Variants in HERC4 observed in about 807,000 individuals in gnomAD.
The protein encoded by HERC4 is probable E3 ubiquitin-protein ligase HERC4.
A neutral mutation model predicts 124.3 loss-of-function variants in HERC4; 28 were observed. The observed-to-expected ratio is 0.23, with a 90% confidence interval of 0.17 to 0.31. The LOEUF (loss-of-function observed/expected upper bound fraction) is 0.31. HERC4 is among the 10% of genes least tolerant of loss of function. The pLI, the probability that HERC4 is intolerant of heterozygous loss-of-function variation, is 1.00. For synonymous variants in HERC4, 407 were observed against 421.5 expected, an observed-to-expected ratio of 0.97 and a Z score of 0.42; for missense variants, 713 against 1,229.3, an observed-to-expected ratio of 0.58 and a Z score of 6.28.
At chr10:67,986,861 C>G (rs1219534595) in intron 15 of HERC4, among the ~76,000 whole-genome samples, 3 of 152,018 alleles carry the variant, frequency 2.0e-5, no homozygotes, top group African/African-American at 7.2e-5. Context: ...TATATGTGAT[C>G]TAGAATATGA....
chr10:68,020,658 A>G (rs1230240150), intron 8 of HERC4, among the ~76,000 whole-genome samples: 1 of 151,374 alleles, frequency 6.6e-6, no homozygotes, highest in Non-Finnish European at 1.5e-5. Context: ...AGTCCCAGCT[A>G]CTTGGGAGGC....
intron 8 of HERC4, among the ~76,000 whole-genome samples, chr10:68,015,939 T>C (rs531878491): frequency 8.5e-5 from 13 of 152,074 alleles, no homozygotes; most frequent in Admixed American, 8.5e-4. Flanking sequence ...CCTGTCTCTA[T>C]TAAAAATACA....
At chr10:68,025,490 A>G in intron 8 of HERC4, 56 bp downstream of exon 8, 1 of 1,517,280 alleles carries the variant, frequency 6.6e-7, no homozygotes, top group Non-Finnish European at 8.9e-7. Context: ...TTCAATAAGC[A>G]ATCCCTAAAC....
At chr10:67,933,272 G>T (rs1166339139) in intron 22 of HERC4, among the ~76,000 whole-genome samples, 2 of 152,020 alleles carry the variant, frequency 1.3e-5, no homozygotes, top group Non-Finnish European at 2.9e-5. Flanking sequence ...CTAAGAGAGG[G>T]TACTAAGCAT....
intron 3 of HERC4, chr10:68,068,963 G>T: frequency 1.4e-6 from 1 of 714,252 alleles, no homozygotes; most frequent in Non-Finnish European, 1.7e-6. Context: ...TTGAAAGAAT[G>T]TTGTAAAACA....
At chr10:68,027,041 ATAAC>A (rs2038940662) in intron 7 of HERC4, among the ~76,000 whole-genome samples, 1 of 152,212 alleles carries the variant, frequency 6.6e-6, no homozygotes, top group Non-Finnish European at 1.5e-5. Context: ...AACTAATTAA[ATAAC>A]TAAATTATAA....
At chr10:68,073,503 T>C (rs2041667885) in intron 2 of HERC4, among the ~76,000 whole-genome samples, 154 bp downstream of exon 2, 1 of 152,198 alleles carries the variant, frequency 6.6e-6, no homozygotes, top group South Asian at 2.1e-4. Flanking sequence ...TTAATCACAA[T>C]TTTTTCTACT....
intron 7 of HERC4, among the ~76,000 whole-genome samples, chr10:68,028,591 A>G (rs1329083091): frequency 6.6e-6 from 1 of 152,208 alleles, no homozygotes; most frequent in Non-Finnish European, 1.5e-5. Flanking sequence ...AGGGATTATC[A>G]TTGTGTCCAG....
At chr10:67,981,877 G>A (rs1252266451) in intron 15 of HERC4, among the ~76,000 whole-genome samples, 1 of 152,056 alleles carries the variant, frequency 6.6e-6, no homozygotes, top group Non-Finnish European at 1.5e-5. Context: ...GGGGGTGGAG[G>A]TTGCAGTGAG....
In HERC4 at chr10:67,990,446, C is replaced by T. The variant is rs752555042; in HGVS notation, c.1444-46G>A. The T allele has an allele frequency of 9.3e-6, 7 of 754,524 alleles. No homozygotes were observed. The South Asian group carries it at 1.8e-4, about 19-fold the overall frequency. 46.7% of individuals were successfully genotyped at this position (754,524 alleles called of 1,614,324 possible). A position where few individuals can be genotyped will look rare whatever the true frequency, so the allele number is the denominator to read the frequency against. Reference sequence around the variant, plus strand: ...AAACCTACTTCATTTAAAATGAATACACTTTCAAAGAAAAAAAAAAAAAAG... The same window carrying T: ...AAACCTACTTCATTTAAAATGAATATACTTTCAAAGAAAAAAAAAAAAAAG... On this transcript the variant is annotated intron_variant, in intron 13 of 24. Transcript: ENST00000373700.
chr10:68,030,996 C>A (rs1254426355), intron 7 of HERC4, among the ~76,000 whole-genome samples: 4 of 151,962 alleles, frequency 2.6e-5, no homozygotes, highest in Admixed American at 1.3e-4. Context: ...AGAAATTCTT[C>A]CAGAAAAGCA....
At chr10:68,050,619 CT>C (rs2040247721) in intron 3 of HERC4, among the ~76,000 whole-genome samples, 1 of 152,166 alleles carries the variant, frequency 6.6e-6, no homozygotes, top group Non-Finnish European at 1.5e-5. Flanking sequence ...TAATAGCTGA[CT>C]TTTTAGACAT....
intron 9 of HERC4, among the ~76,000 whole-genome samples, chr10:68,011,822 C>G (rs929815206): frequency 3.3e-5 from 5 of 152,160 alleles, no homozygotes; most frequent in African/African-American, 9.7e-5. Context: ...GTCAGCCTGT[C>G]CTTTGAAGTT....
intron 7 of HERC4, among the ~76,000 whole-genome samples, chr10:68,031,461 TA>T (rs538766132): frequency 4.7e-4 from 71 of 152,088 alleles, no homozygotes; most frequent in Non-Finnish European, 8.7e-4. Flanking sequence ...CCAAAATCAA[TA>T]AAATATGATA....
intron 10 of HERC4, 69 bp downstream of exon 10, chr10:67,992,537 A>T (rs2036608748): frequency 5.5e-6 from 6 of 1,094,852 alleles, no homozygotes; most frequent in Non-Finnish European, 8.0e-6. Context: ...AAAGAACATT[A>T]ATAATGGGTT....
At chr10:68,015,744 T>G (rs1304142097) in intron 8 of HERC4, among the ~76,000 whole-genome samples, 3 of 152,194 alleles carry the variant, frequency 2.0e-5, no homozygotes, top group Non-Finnish European at 4.4e-5. Flanking sequence ...CACACTGGAC[T>G]AATAAAGCAC....
At position 68,025,805 on chromosome 10, in the gene HERC4, TAACA is replaced by T. The variant is rs2038868609; in HGVS notation, c.778-133_778-130del. On this transcript the variant is annotated intron_variant, in intron 7 of 24. Coordinates refer to ENST00000373700, the MANE Select transcript of HERC4 (RefSeq NM_015601.4). ...TCTTCTAAGAACTGTCTTCACAATT[TAACA>T]GACAGATGGCTCTTTCAAAGTAAAA... 5.0e-6 allele frequency: 4 copies of T among 793,846 alleles called. No homozygotes were observed. The East Asian group carries it at 1.2e-4, about 23-fold the overall frequency. 49.2% of individuals were successfully genotyped at this position (793,846 alleles called of 1,614,324 possible). A position where few individuals can be genotyped will look rare whatever the true frequency, so the allele number is the denominator to read the frequency against.
intron 7 of HERC4, among the ~76,000 whole-genome samples, chr10:68,028,331 AG>A (rs1426303866): frequency 3.3e-5 from 5 of 151,656 alleles, no homozygotes; most frequent in African/African-American, 1.2e-4. Context: ...CAAGAAGAGA[AG>A]ATCACTACAA....
intron 22 of HERC4, among the ~76,000 whole-genome samples, chr10:67,933,735 TA>T (rs2032068659): frequency 6.6e-6 from 1 of 152,168 alleles, no homozygotes; most frequent in Admixed American, 6.5e-5. Context: ...ACAATCCTAA[TA>T]GCCAACATTT....
Sources: gnomAD v4.1 joint callset for allele counts (sites outside exome capture counted in the v4.1 genomes callset) on GRCh38, gnomAD v4.1.1 for gene constraint, MANE v1.5 for transcripts, NCBI Gene and HGNC (gene_info 2026-07-23, HGNC 2026-07-21) for gene names.